Variants in MCM3AP observed in about 807,000 individuals in gnomAD.
The protein encoded by MCM3AP is minichromosome maintenance complex component 3 associated protein, also known as germinal-center associated nuclear protein.
Under a neutral mutation model 184.1 loss-of-function variants are expected in MCM3AP, and 126 were observed. That is an observed-to-expected ratio of 0.68 (90% CI 0.59 to 0.79). The LOEUF is 0.79. Ranked by LOEUF, MCM3AP falls within the 30% of genes least tolerant of loss-of-function variation. The pLI is 0.00. For missense variants in MCM3AP, 2,496 were observed against 2,479.2 expected (o/e 1.01, Z -0.14); for synonymous variants, 1,002 against 979.3 (o/e 1.02, Z -0.43).
chr21:46,268,761 CGGCCA>C (rs1272257194), intron 9 of MCM3AP, among the ~76,000 whole-genome samples: 3 of 152,186 alleles, frequency 2.0e-5, no homozygotes, highest in African/African-American at 7.2e-5. Flanking sequence ...TTATTAAAAA[CGGCCA>C]GGCAAGGTGG....
chr21:46,235,578 T>C (rs777604510), intron 27 of MCM3AP, 152 bp from the exon 28 acceptor site: 1 of 636,964 alleles, frequency 1.6e-6, no homozygotes, highest in Non-Finnish European at 2.7e-6. Flanking sequence ...TTGTATATCC[T>C]TCCAGCCTCA....
chr21:46,263,274 G>C (rs1210012478), intron 13 of MCM3AP, among the ~76,000 whole-genome samples: 1 of 151,974 alleles, frequency 6.6e-6, no homozygotes, highest in Non-Finnish European at 1.5e-5. Context: ...GGGTTGCAGT[G>C]AGCCAAGATT....
intron 9 of MCM3AP, chr21:46,267,650 G>C (rs1333962854): frequency 6.5e-6 from 1 of 152,972 alleles, no homozygotes; most frequent in Non-Finnish European, 1.5e-5. Context: ...CAGCACTTTG[G>C]GAGGCCAAGG....
Position 46,246,858 on chromosome 21 carries a change from G to A in MCM3AP, c.4319C>T (p.Ala1440Val), listed in dbSNP as rs771441002. ...KVAHGALSDGAIDAVETQKDL... is the reference protein window; with the variant it reads ...KVAHGALSDGVIDAVETQKDL... ...CTTCTGTGTCTCCACAGCATCAATG[G>A]CACCATCACTGAGGGCGCCATGGGC... Residue 1440 changes from alanine to valine, a missense_variant, in exon 21 of 28, where the codon GCC (alanine) becomes GTC (valine). By Grantham distance (64) the Ala-to-Val change is moderately conservative. Coordinates refer to ENST00000291688, the MANE Select transcript of MCM3AP (RefSeq NM_003906.5). 156 of 1,613,924 alleles carry A rather than the reference G, an allele frequency of 9.7e-5. No homozygotes were observed. The Admixed American group carries it at 2.5e-3, about 26-fold the overall frequency.
In MCM3AP at chr21:46,267,030, TCA is replaced by T. The variant is rs766968609; in HGVS notation, c.2739_2740del (p.Cys913Ter). The T allele has an allele frequency of 3.7e-6, 6 of 1,614,184 alleles. No homozygotes were observed. Among genetic ancestry groups the T allele is most frequent in the Non-Finnish European group, 5.1e-6 (6 of 1,180,034 alleles). On this transcript the variant is annotated stop_gained and frameshift_variant, in exon 10 of 28. Coordinates refer to ENST00000291688, the MANE Select transcript of MCM3AP (RefSeq NM_003906.5). LOFTEE classifies it high-confidence loss of function. ...GCAGGTGAGGAAGTCGGTGGCCTCTTCACAGTCTCTGAACAGCAGCATGCGCA... is the reference window on the plus strand; with the variant it reads ...GCAGGTGAGGAAGTCGGTGGCCTCTTCAGTCTCTGAACAGCAGCATGCGCA...
At chr21:46,249,892 G>A (rs1196993409) in intron 20 of MCM3AP, 1 of 186,696 alleles carries the variant, frequency 5.4e-6, no homozygotes, top group Non-Finnish European at 1.1e-5. Context: ...CCATACACAG[G>A]TGGCAGAGAC....
At chr21:46,250,414 C>T (rs1384774349) in intron 20 of MCM3AP, 2 of 152,310 alleles carry the variant, frequency 1.3e-5, no homozygotes, top group East Asian at 3.8e-4. Context: ...ATCTCCTGCC[C>T]CGTGAGCTGG....
At chr21:46,272,453 C>T in intron 8 of MCM3AP, 108 bp downstream of exon 8, 2 of 1,161,960 alleles carry the variant, frequency 1.7e-6, no homozygotes, top group Non-Finnish European at 2.5e-6. Flanking sequence ...CATCTGCTAC[C>T]AGACAGAATG....
intron 13 of MCM3AP, among the ~76,000 whole-genome samples, chr21:46,261,772 GC>G (rs1277954537): frequency 6.9e-6 from 1 of 144,342 alleles, no homozygotes. Flanking sequence ...TCAGAAAAAA[GC>G]CAAGTCATTG....
intron 9 of MCM3AP, among the ~76,000 whole-genome samples, chr21:46,269,254 C>T (rs1051162232): frequency 1.3e-5 from 2 of 151,984 alleles, no homozygotes; most frequent in Non-Finnish European, 2.9e-5. Flanking sequence ...GCTGGGACTA[C>T]AGGAGCATCC....
In MCM3AP at chr21:46,283,739, T is replaced by C; in HGVS notation, c.1319A>G (p.Lys440Arg). Reference sequence around the variant, plus strand: ...GTCGTTGAGGTAGTCAGGGATGTTCTTGCACTGGATGGCTGTGACTTCAGA... The same window carrying C: ...GTCGTTGAGGTAGTCAGGGATGTTCCTGCACTGGATGGCTGTGACTTCAGA... Reference protein sequence around the residue: ...SPSEVTAIQCKNIPDYLNDRT... With the variant: ...SPSEVTAIQCRNIPDYLNDRT... The change falls in exon 2 of 28, where the codon AAG becomes AGG. Residue 440 changes from lysine to arginine, a missense_variant. Around this residue, in one of 5 missense-constraint regions of MCM3AP, gnomAD observed 800 missense variants for 717.1 expected, o/e 1.12. Transcript: ENST00000291688. The C allele has an allele frequency of 1.2e-6, 2 of 1,614,116 alleles. No homozygotes were observed. Among genetic ancestry groups the C allele is most frequent in the Non-Finnish European group, 1.7e-6 (2 of 1,179,958 alleles).
At position 46,249,363 on chromosome 21, in the gene MCM3AP, T is replaced by C. The variant is rs570954241; in HGVS notation, c.4290+2166A>G. On this transcript the variant is annotated intron_variant, in intron 20 of 27. Coordinates refer to ENST00000291688, the MANE Select transcript of MCM3AP (RefSeq NM_003906.5). ...CCACCATGCCCAGCTAATTTTTGTA[T>C]TTTTTATAGAGACAGGGTTTCACCG... 7.2e-5 allele frequency among the ~76,000 whole-genome samples: 11 copies of C among 152,206 alleles called. No homozygotes were observed. The South Asian group carries it at 1.2e-3, about 17-fold the overall frequency.
intron 20 of MCM3AP, among the ~76,000 whole-genome samples, chr21:46,249,106 A>G (rs150714893): frequency 6.6e-6 from 1 of 152,230 alleles, no homozygotes; most frequent in African/African-American, 2.4e-5. Flanking sequence ...AGGCTTCCAC[A>G]GAGAAAACCA....
Position 46,247,038 on chromosome 21 carries a change from C to T in MCM3AP, c.4291-152G>A, listed in dbSNP as rs892236756. ...CTCCAAGGGCACAGCTGGGCATACC[C>T]TGTAGTTATCTTACTTCCTGTAGTT... On this transcript the variant is annotated intron_variant, in intron 20 of 27. Coordinates refer to ENST00000291688, the MANE Select transcript of MCM3AP (RefSeq NM_003906.5). 4 of 654,350 alleles carry T rather than the reference C, an allele frequency of 6.1e-6. No individual in the cohort carries two copies. In the African/African-American group the frequency reaches 7.2e-5, roughly 12 times the overall value. 40.5% of individuals were successfully genotyped at this position (654,350 alleles called of 1,614,324 possible).
At chr21:46,254,360 T>TA (rs1436389438) in intron 19 of MCM3AP, 32 bp downstream of exon 19, 3 of 1,612,372 alleles carry the variant, frequency 1.9e-6, no homozygotes, top group African/African-American at 2.7e-5. Flanking sequence ...CTCCACCTCT[T>TA]GGAAACCCCA....
intron 4 of MCM3AP, among the ~76,000 whole-genome samples, chr21:46,278,219 T>C (rs1222709597): frequency 6.6e-6 from 1 of 152,148 alleles, no homozygotes; most frequent in Non-Finnish European, 1.5e-5. Context: ...CTTACTGATT[T>C]CTATTTCAAA....
intron 14 of MCM3AP, among the ~76,000 whole-genome samples, 185 bp downstream of exon 14, chr21:46,261,093 TCA>T (rs1370715675): frequency 6.6e-6 from 1 of 152,108 alleles, no homozygotes; most frequent in Non-Finnish European, 1.5e-5. Flanking sequence ...GGGCCACTGC[TCA>T]CGGGTAGGTG....
chr21:46,240,055 C>T (rs574076136), intron 26 of MCM3AP, among the ~76,000 whole-genome samples: 2 of 152,214 alleles, frequency 1.3e-5, no homozygotes, highest in East Asian at 3.9e-4. Flanking sequence ...GGGACCAAGA[C>T]AGGGAGGCAT....
At chr21:46,243,798 G>A in intron 23 of MCM3AP, 76 bp from the exon 24 acceptor site, 1 of 1,463,962 alleles carries the variant, frequency 6.8e-7, no homozygotes, top group Non-Finnish European at 9.3e-7. Flanking sequence ...CATTTTCTCA[G>A]GAGAAGGCAA....
Sources: allele counts gnomAD v4.1 joint callset (sites outside exome capture counted in the v4.1 genomes callset), GRCh38; gene constraint gnomAD v4.1.1; regional missense constraint gnomAD v4.1.1; transcripts MANE v1.5; gene names NCBI Gene and HGNC (gene_info 2026-07-23, HGNC 2026-07-21).